The following MAGI1 variants were observed in gnomAD, a reference collection of about 807,000 sequenced individuals.
MAGI1 encodes membrane-associated guanylate kinase, WW and PDZ domain-containing protein 1.
In MAGI1, 58 loss-of-function variants were observed where a neutral mutation model predicts 139.9. The ratio of observed to expected loss-of-function variants is 0.41; its 90% CI spans 0.34 to 0.52. The LOEUF (loss-of-function observed/expected upper bound fraction) is 0.52. Among genes scored for constraint, MAGI1 ranks in the 20% least tolerant of loss-of-function variants. The probability of loss-of-function intolerance (pLI) is 0.12; values close to 1 mark genes in which losing one functional copy is unlikely to be tolerated. For synonymous variants in MAGI1, 812 were observed against 737.9 expected, an observed-to-expected ratio of 1.10 and a Z score of -1.63; for missense variants, 1,874 against 1,901.6, an observed-to-expected ratio of 0.99 and a Z score of 0.27.
intron 1 of MAGI1, among the ~76,000 whole-genome samples, chr3:65,698,728 A>C (rs1402360271): frequency 6.7e-6 from 1 of 149,276 alleles, no homozygotes; most frequent in Non-Finnish European, 1.5e-5. Flanking sequence ...AATCAATTCA[A>C]GATGGATTAA....
intron 2 of MAGI1, among the ~76,000 whole-genome samples, chr3:65,507,485 T>G (rs575230806): frequency 2.0e-5 from 3 of 152,220 alleles, no homozygotes; most frequent in African/African-American, 7.2e-5. Context: ...AGGCAGCTGA[T>G]TTCACTCTTG....
At chr3:65,641,368 C>T (rs773702408) in intron 1 of MAGI1, among the ~76,000 whole-genome samples, 17 of 152,138 alleles carry the variant, frequency 1.1e-4, no homozygotes, top group African/African-American at 1.9e-4. Context: ...ATAGCACCAG[C>T]GCCTAGGCCC....
intron 1 of MAGI1, among the ~76,000 whole-genome samples, chr3:65,970,457 A>C (rs1447742884): frequency 6.6e-6 from 1 of 152,090 alleles, no homozygotes; most frequent in Non-Finnish European, 1.5e-5. Context: ...CTAATGCCAC[A>C]GAAGTGTACA....
chr3:65,394,763 G>C (rs749974119), intron 13 of MAGI1, among the ~76,000 whole-genome samples: 16 of 151,954 alleles, frequency 1.1e-4, no homozygotes, highest in Non-Finnish European at 1.9e-4. Context: ...CTGTCCAGGA[G>C]AAAAACCATG....
At chr3:65,563,414 G>C (rs942982871) in intron 2 of MAGI1, among the ~76,000 whole-genome samples, 1 of 152,140 alleles carries the variant, frequency 6.6e-6, no homozygotes, top group Non-Finnish European at 1.5e-5. Flanking sequence ...CACATGAAGA[G>C]AGCTGGCCTG....
chr3:66,024,315 TAAAAAAAAA>T (rs34593257), intron 1 of MAGI1, among the ~76,000 whole-genome samples: 2 of 95,778 alleles, frequency 2.1e-5, no homozygotes, highest in Non-Finnish European at 2.0e-5. Flanking sequence ...CAAAGTTCAT[TAAAAAAAAA>T]AAAAAAAAAA....
intron 1 of MAGI1, among the ~76,000 whole-genome samples, chr3:65,633,831 C>T (rs1196959252): frequency 3.3e-5 from 5 of 152,140 alleles, no homozygotes; most frequent in Non-Finnish European, 7.4e-5. Context: ...TTATGGCATG[C>T]CCTCGTAAAC....
chr3:66,028,669 C>T (rs903078844), intron 1 of MAGI1, among the ~76,000 whole-genome samples: 1 of 152,144 alleles, frequency 6.6e-6, no homozygotes, highest in African/African-American at 2.4e-5. Flanking sequence ...CACACTACCA[C>T]AACCTGCGAC....
chr3:65,611,015 CATAT>C (rs1368385185), intron 2 of MAGI1, among the ~76,000 whole-genome samples: 3 of 126,706 alleles, frequency 2.4e-5, no homozygotes, highest in African/African-American at 6.0e-5. Context: ...TATATACATA[CATAT>C]AGTGTGTATA....
In MAGI1 at chr3:65,356,091, A is replaced by C; in HGVS notation, c.*287T>G. On this transcript the variant is annotated 3_prime_UTR_variant, in exon 23 of 23. Coordinates refer to ENST00000402939, the MANE Select transcript of MAGI1 (RefSeq NM_001033057.2). ...AACGGGAACAATTCTTGACGATTCTACAGGTTACGTAGAAACAAAATTTAT... is the reference window on the plus strand; with the variant it reads ...AACGGGAACAATTCTTGACGATTCTCCAGGTTACGTAGAAACAAAATTTAT... 1 of 244,582 alleles carries C rather than the reference A, an allele frequency of 4.1e-6. No homozygotes were observed. Among genetic ancestry groups the C allele is most frequent in the Non-Finnish European group, 7.7e-6 (1 of 129,592 alleles). 15.2% of individuals were successfully genotyped at this position (244,582 alleles called of 1,614,324 possible).
At chr3:65,768,513 T>A (rs932019243) in intron 1 of MAGI1, among the ~76,000 whole-genome samples, 3 of 152,232 alleles carry the variant, frequency 2.0e-5, no homozygotes, top group African/African-American at 7.2e-5. Context: ...TCAAGTTTTT[T>A]CTTCATTGTT....
intron 2 of MAGI1, among the ~76,000 whole-genome samples, chr3:65,587,315 C>G (rs1257230423): frequency 6.6e-6 from 1 of 152,084 alleles, no homozygotes; most frequent in Non-Finnish European, 1.5e-5. Context: ...GCAAAATCAT[C>G]TAACACAAAG....
chr3:65,526,373 G>C (rs1464227955), intron 2 of MAGI1, among the ~76,000 whole-genome samples: 1 of 152,150 alleles, frequency 6.6e-6, no homozygotes, highest in African/African-American at 2.4e-5. Flanking sequence ...AACAAAGTCA[G>C]AGAGATGGGT....
At chr3:65,431,543 T>G (rs1947454088) in intron 10 of MAGI1, among the ~76,000 whole-genome samples, 3 of 152,236 alleles carry the variant, frequency 2.0e-5, no homozygotes, top group South Asian at 4.1e-4. Context: ...TAAGAATTAC[T>G]GTTTAAAACA....
intron 2 of MAGI1, among the ~76,000 whole-genome samples, chr3:65,523,769 G>T (rs1053282967): frequency 5.9e-5 from 9 of 152,158 alleles, no homozygotes; most frequent in African/African-American, 1.9e-4. Flanking sequence ...TGGAAATAGT[G>T]GTTAGAAGTG....
intron 2 of MAGI1, among the ~76,000 whole-genome samples, chr3:65,592,176 T>C (rs1439784963): frequency 6.6e-6 from 1 of 152,182 alleles, no homozygotes; most frequent in Admixed American, 6.5e-5. Context: ...AAATATATCT[T>C]AGTGTTTCTG....
intron 1 of MAGI1, among the ~76,000 whole-genome samples, chr3:66,034,598 T>C (rs1261946300): frequency 6.6e-6 from 1 of 151,938 alleles, no homozygotes; most frequent in Admixed American, 6.6e-5. Flanking sequence ...ACAAACAAAA[T>C]CAAAGATGGC....
At position 66,038,031 on chromosome 3, in the gene MAGI1, C is replaced by T. The variant is rs2069041256; in HGVS notation, c.278G>A (p.Cys93Tyr). The change falls in exon 1 of 23, where the codon TGC becomes TAC. Residue 93 changes from cysteine to tyrosine, a missense_variant. By Grantham distance (194) the Cys-to-Tyr change is radical (BLOSUM62 -2). This residue lies in a region of MAGI1 where 648 missense variants were observed against 598.1 expected (regional missense o/e 1.08). Coordinates refer to ENST00000402939, the MANE Select transcript of MAGI1 (RefSeq NM_001033057.2). ...GGCCTTGAAGGTGACGGCCTCCTTG[C>T]AGCTGTCGATGACCCCCAGCACGTC... is the stretch of plus-strand genomic sequence containing the variant. The part of the protein sequence containing the change: ...RYDVLGVIDS[C>Y]KEAVTFKAVR... The T allele has an allele frequency of 3.1e-6, 5 of 1,604,236 alleles. No individual in the cohort carries two copies. The African/African-American group carries it at 4.0e-5, about 13-fold the overall frequency.
intron 1 of MAGI1, among the ~76,000 whole-genome samples, chr3:65,662,507 A>C (rs534447852): frequency 1.3e-5 from 2 of 152,368 alleles, no homozygotes; most frequent in Non-Finnish European, 2.9e-5. Context: ...GGTGTGGTTT[A>C]CCAATCACTG....
Sources: gnomAD v4.1 joint callset for allele counts (sites outside exome capture counted in the v4.1 genomes callset) on GRCh38, gnomAD v4.1.1 for gene constraint, gnomAD v4.1.1 regional missense constraint, MANE v1.5 for transcripts, NCBI Gene and HGNC (gene_info 2026-07-23, HGNC 2026-07-21) for gene names.